Variants in MCTP1 observed in about 807,000 individuals in gnomAD.
MCTP1 encodes the protein multiple C2 and transmembrane domain-containing protein 1.
In MCTP1, 69 loss-of-function variants were observed where a neutral mutation model predicts 120.6. The ratio of observed to expected loss-of-function variants is 0.57; its 90% CI spans 0.47 to 0.70. The LOEUF (loss-of-function observed/expected upper bound fraction) is 0.70, where lower values mean the gene tolerates loss of function less well. Among genes scored for constraint, MCTP1 ranks in the 30% least tolerant of loss-of-function variants. MCTP1 has a pLI of 0.00. For synonymous variants in MCTP1, 529 were observed against 493.1 expected, an observed-to-expected ratio of 1.07 and a Z score of -0.96; for missense variants, 1,203 against 1,248.8, an observed-to-expected ratio of 0.96 and a Z score of 0.55.
chr5:94,980,661 G>A (rs1230214776), intron 2 of MCTP1, among the ~76,000 whole-genome samples: 1 of 151,956 alleles, frequency 6.6e-6, no homozygotes, highest in Non-Finnish European at 1.5e-5. Context: ...CCAAGCATGT[G>A]TAGTCCTAAA....
At chr5:94,918,124 T>G in intron 7 of MCTP1, 151 bp from the exon 8 acceptor site, 2 of 613,000 alleles carry the variant, frequency 3.3e-6, no homozygotes, top group South Asian at 4.1e-5. Context: ...AAATGTCTTA[T>G]AGCACAATGA....
At chr5:95,216,681 T>C (rs751963356) in intron 1 of MCTP1, among the ~76,000 whole-genome samples, 1 of 152,072 alleles carries the variant, frequency 6.6e-6, no homozygotes, top group Admixed American at 6.6e-5. Flanking sequence ...AGAAGTGAAA[T>C]GGCAAAATTA....
At chr5:95,214,542 G>A (rs1170477918) in intron 1 of MCTP1, among the ~76,000 whole-genome samples, 41 of 152,098 alleles carry the variant, frequency 2.7e-4, no homozygotes, top group Admixed American at 2.7e-3. Flanking sequence ...TATAAATCAT[G>A]CTGCTATAAA....
chr5:95,236,984 T>C (rs1755608561), intron 1 of MCTP1, among the ~76,000 whole-genome samples: 1 of 152,204 alleles, frequency 6.6e-6, no homozygotes, highest in Admixed American at 6.5e-5. Flanking sequence ...AGGTGGGTAT[T>C]CTGATATTTC....
chr5:94,778,208 A>T (rs905405978), intron 19 of MCTP1, among the ~76,000 whole-genome samples: 11 of 152,072 alleles, frequency 7.2e-5, no homozygotes, highest in Non-Finnish European at 1.5e-5. Context: ...TCACTGCTTT[A>T]CTACAATATA....
intron 1 of MCTP1, among the ~76,000 whole-genome samples, chr5:95,173,319 T>G (rs1747572389): frequency 6.6e-6 from 1 of 152,096 alleles, no homozygotes; most frequent in Non-Finnish European, 1.5e-5. Context: ...TAAATTATAT[T>G]GGGAATGCAT....
At chr5:94,930,267 A>ATTTTTTTTTTTTTT (rs869306266) in intron 6 of MCTP1, among the ~76,000 whole-genome samples, 1 of 100,928 alleles carries the variant, frequency 9.9e-6, no homozygotes, top group Non-Finnish European at 1.9e-5. Flanking sequence ...TTAAAGAAGA[A>ATTTTTTTTTTTTTT]TTTTTTTTTT....
intron 17 of MCTP1, among the ~76,000 whole-genome samples, chr5:94,831,796 T>G (rs1788568266): frequency 6.6e-6 from 1 of 152,238 alleles, no homozygotes; most frequent in Non-Finnish European, 1.5e-5. Flanking sequence ...TACATATTTC[T>G]GAGGCAAATA....
chr5:95,049,434 A>ATTCT (rs1745346811), intron 1 of MCTP1, among the ~76,000 whole-genome samples: 2 of 152,204 alleles, frequency 1.3e-5, no homozygotes, highest in South Asian at 4.1e-4. Context: ...AGACTAAAAC[A>ATTCT]TTATGCTAAA....
intron 1 of MCTP1, among the ~76,000 whole-genome samples, chr5:95,202,509 A>G (rs1191492470): frequency 1.3e-5 from 2 of 152,128 alleles, no homozygotes; most frequent in African/African-American, 4.8e-5. Context: ...TCTGTCTCCT[A>G]TTGGTTGTCT....
At chr5:95,220,274 TA>T (rs1753534956) in intron 1 of MCTP1, among the ~76,000 whole-genome samples, 1 of 151,582 alleles carries the variant, frequency 6.6e-6, no homozygotes, top group South Asian at 2.1e-4. Flanking sequence ...TATTTAAAAA[TA>T]AAATAACAAA....
intron 17 of MCTP1, among the ~76,000 whole-genome samples, chr5:94,855,365 A>G (rs1172084573): frequency 2.0e-5 from 3 of 151,806 alleles, no homozygotes; most frequent in Non-Finnish European, 4.4e-5. Context: ...TCCAAGAAAC[A>G]AACTCTACTT....
chr5:95,230,962 A>G (rs1439733706), intron 1 of MCTP1, among the ~76,000 whole-genome samples: 1 of 152,186 alleles, frequency 6.6e-6, no homozygotes, highest in Non-Finnish European at 1.5e-5. Context: ...TAGAAGGAAC[A>G]TTTCAAACAG....
intron 1 of MCTP1, among the ~76,000 whole-genome samples, chr5:95,139,090 C>T (rs981524088): frequency 2.0e-5 from 3 of 151,634 alleles, no homozygotes; most frequent in Non-Finnish European, 2.9e-5. Flanking sequence ...TTCAAATAGT[C>T]GTATTAGTTT....
chr5:94,912,989 G>T lies in MCTP1; in HGVS notation c.1351-13C>A. The T allele has an allele frequency of 6.3e-7, 1 of 1,583,072 alleles. No homozygotes were observed. Among genetic ancestry groups the T allele is most frequent in the South Asian group, 1.2e-5 (1 of 85,494 alleles). On this transcript the variant is annotated splice_polypyrimidine_tract_variant and intron_variant, in intron 8 of 22. Transcript: ENST00000515393. ...TTTGGGTCTGAAACTTTTGGCAAAT[G>T]AAAATTGAGTTAGGTTACTGTGTTT...
intron 18 of MCTP1, chr5:94,792,148 C>T (rs1779118312): frequency 6.6e-6 from 1 of 152,626 alleles, no homozygotes; most frequent in East Asian, 1.9e-4. Context: ...GCAAGGATTT[C>T]AAGCTCTTCC....
At chr5:95,258,257 T>C (rs1283549154) in intron 1 of MCTP1, among the ~76,000 whole-genome samples, 2 of 152,186 alleles carry the variant, frequency 1.3e-5, no homozygotes, top group African/African-American at 4.8e-5. Flanking sequence ...GTCATGTTGA[T>C]AGTACGTACC....
chr5:95,196,028 T>C (rs1411108702), intron 1 of MCTP1, among the ~76,000 whole-genome samples: 4 of 152,096 alleles, frequency 2.6e-5, no homozygotes, highest in African/African-American at 9.7e-5. Context: ...CTGGGCCAAA[T>C]AGGAGACCAC....
In MCTP1 at chr5:94,953,953, C is replaced by CAT. The variant is rs70978147; in HGVS notation, c.839-594_839-593dup. Reference sequence around the variant, plus strand: ...ATGCATATATATACAAATATATATGCATATATATACAAATATATATATGCA... The same window carrying CAT: ...ATGCATATATATACAAATATATATGCATATATATATACAAATATATATATGCA... On this transcript the variant is annotated intron_variant, in intron 2 of 22. Transcript: ENST00000515393. Among the ~76,000 whole-genome samples, 46 of 45,988 alleles carry CAT rather than the reference C, an allele frequency of 1.0e-3. 9 individuals are homozygous for CAT. The highest frequency in any genetic ancestry group is 1.5e-3 in the Admixed American group (5 of 3,318). The allele number at this position is 45,988 out of a possible 152,430, so 30.2% of individuals were successfully genotyped here.
Sources: allele counts gnomAD v4.1 joint callset (sites outside exome capture counted in the v4.1 genomes callset), GRCh38; gene constraint gnomAD v4.1.1; transcripts MANE v1.5; gene names NCBI Gene and HGNC (gene_info 2026-07-23, HGNC 2026-07-21).